The following ZG16B variants were observed in gnomAD, a reference collection of about 807,000 sequenced individuals.
The protein encoded by ZG16B is pancreatic adenocarcinoma up-regulated factor.
Under a neutral mutation model 7.0 loss-of-function variants are expected in ZG16B, and 8 were observed. The observed-to-expected ratio is 1.15, with a 90% confidence interval of 0.68 to 2.08. The LOEUF is 2.08. Ranked by LOEUF, ZG16B falls within the 30% of genes most tolerant of loss-of-function variation. The pLI is 0.00. For synonymous variants in ZG16B, 92 were observed against 86.1 expected (o/e 1.07, Z -0.38); for missense variants, 232 against 211.0 (o/e 1.10, Z -0.62).
Position 2,831,784 on chromosome 16 carries a change from C to T in ZG16B, c.156-12C>T. ...CCAGATCTGGACGTCCAAAGCTTTG[C>T]CTCTCTCCCAGTGTCCAGGTGAAAC... is the stretch of plus-strand genomic sequence containing the variant. On this transcript the variant is annotated splice_polypyrimidine_tract_variant and intron_variant, in intron 3 of 3. Transcript: ENST00000382280. 2 of 1,604,126 alleles carry T rather than the reference C, an allele frequency of 1.2e-6. No individual in the cohort carries two copies. Among genetic ancestry groups the T allele is most frequent in the South Asian group, 1.1e-5 (1 of 89,980 alleles).
In ZG16B at chr16:2,831,762, G is replaced by T. The variant is rs563029314; in HGVS notation, c.156-34G>T. 2.5e-5 allele frequency: 40 copies of T among 1,588,382 alleles called. 2 individuals are homozygous for T. In the South Asian group the frequency reaches 4.3e-4, roughly 17 times the overall value. ...ACCCGGGATGTGCTGGGCCATCCCA[G>T]ATCTGGACGTCCAAAGCTTTGCCTC... On this transcript the variant is annotated intron_variant, in intron 3 of 3. Coordinates refer to ENST00000382280, the MANE Select transcript of ZG16B (RefSeq NM_145252.3).
intron 2 of ZG16B, 58 bp from the exon 3 acceptor site, chr16:2,830,636 G>T: frequency 6.2e-7 from 1 of 1,605,502 alleles, no homozygotes; most frequent in Non-Finnish European, 8.5e-7. Flanking sequence ...TCTGGCAGAG[G>T]TCACCCCCAT....
At chr16:2,830,657 G>A (rs1456968377) in intron 2 of ZG16B, 37 bp from the exon 3 acceptor site, 3 of 1,612,874 alleles carry the variant, frequency 1.9e-6, no homozygotes, top group Non-Finnish European at 1.7e-6. Context: ...ATCACCGCAT[G>A]GGGATTTTCT....
Position 2,831,833 on chromosome 16 carries a change from C to A in ZG16B, c.193C>A (p.Leu65Met). The A allele has an allele frequency of 1.2e-6, 2 of 1,613,934 alleles. No homozygotes were observed. The highest frequency in any genetic ancestry group is 1.7e-6 in the Non-Finnish European group (2 of 1,179,932). Residue 65 changes from leucine to methionine, a missense_variant, in exon 4 of 4, where the codon CTG becomes ATG. Leu to Met is a conservative substitution (Grantham distance 15, BLOSUM62 2). Transcript: ENST00000382280. ...VKLGDSWDVK[L>M]GALGGNTQEV... ...ACTTGGAGACTCCTGGGACGTGAAA[C>A]TGGGAGCCTTAGGTGGGAATACCCA... is the stretch of plus-strand genomic sequence containing the variant.
chr16:2,831,942 C>A lies in ZG16B; in HGVS notation c.302C>A (p.Thr101Asn), dbSNP rs1259251242. The change falls in exon 4 of 4, where the codon ACC (threonine) becomes AAC (asparagine). Residue 101 changes from threonine to asparagine, a missense_variant. Coordinates refer to ENST00000382280, the MANE Select transcript of ZG16B (RefSeq NM_145252.3). ...QAFLRGMVMY[T>N]SKDRYFYFGK... ...TTCCTCCGGGGTATGGTCATGTACACCAGCAAGGACCGCTATTTCTATTTT... is the reference window on the plus strand; with the variant it reads ...TTCCTCCGGGGTATGGTCATGTACAACAGCAAGGACCGCTATTTCTATTTT... The A allele has an allele frequency of 6.2e-7, 1 of 1,614,136 alleles. No individual in the cohort carries two copies. Among genetic ancestry groups the A allele is most frequent in the Non-Finnish European group, 8.5e-7 (1 of 1,180,026 alleles).
chr16:2,830,961 C>T (rs961050259), intron 3 of ZG16B, 165 bp downstream of exon 3: 23 of 652,896 alleles, frequency 3.5e-5, no homozygotes, highest in African/African-American at 7.3e-5. Context: ...GGAGCGGAGA[C>T]GGTCAGACCG....
At position 2,830,645 on chromosome 16, in the gene ZG16B, A is replaced by G. The variant is rs375422174; in HGVS notation, c.53-49A>G. On this transcript the variant is annotated intron_variant, in intron 2 of 3. Transcript: ENST00000382280. ...CCCTGTTCTGGCAGAGGTCACCCCC[A>G]TATCACCGCATGGGGATTTTCTTCC... 5.2e-5 allele frequency: 83 copies of G among 1,610,394 alleles called. No individual in the cohort carries two copies. The African/African-American group carries it at 1.0e-3, about 20-fold the overall frequency.
At chr16:2,830,920 G>A in intron 3 of ZG16B, 124 bp downstream of exon 3, 2 of 919,018 alleles carry the variant, frequency 2.2e-6, no homozygotes, top group Non-Finnish European at 3.4e-6. Flanking sequence ...TACTGTCGAT[G>A]CTTCCTGGCT....
rs2069248489 is a variant in ZG16B, at chr16:2,830,606, G to A, written c.53-88G>A. 3.8e-6 allele frequency: 6 copies of A among 1,590,064 alleles called. No homozygotes were observed. In the African/African-American group the frequency reaches 6.7e-5, roughly 18 times the overall value. Reference sequence around the variant, plus strand: ...GGTCACAGAACCATCCTGTCTGCCTGGAGGGGTGGGGTCCCCTGTTCTGGC... The same window carrying A: ...GGTCACAGAACCATCCTGTCTGCCTAGAGGGGTGGGGTCCCCTGTTCTGGC... On this transcript the variant is annotated intron_variant, in intron 2 of 3. Coordinates refer to ENST00000382280, the MANE Select transcript of ZG16B (RefSeq NM_145252.3).
chr16:2,830,374 G>C (rs371579367), intron 1 of ZG16B, 41 bp from the exon 2 acceptor site: 1 of 1,607,542 alleles, frequency 6.2e-7, no homozygotes, highest in African/African-American at 1.3e-5. Flanking sequence ...GGTCACACTG[G>C]CCCTTGCTTT....
intron 3 of ZG16B, 165 bp downstream of exon 3, chr16:2,830,961 C>A: frequency 1.5e-6 from 1 of 653,018 alleles, no homozygotes; most frequent in East Asian, 2.9e-5. Context: ...GGAGCGGAGA[C>A]GGTCAGACCG....
In ZG16B at chr16:2,830,426, G is replaced by A. The variant is rs1596319527; in HGVS notation, c.-16G>A. On this transcript the variant is annotated 5_prime_UTR_variant, in exon 2 of 4. An upstream start codon of the reference 5' UTR is lost. Transcript: ENST00000382280. ...TCTTCTTCCCACAGAGCCCTGGGAT[G>A]CACCGGCCAGAGGCCATGCTGCTGC... 6.2e-7 allele frequency: 1 copy of A among 1,603,476 alleles called. No individual in the cohort carries two copies. Among genetic ancestry groups the A allele is most frequent in the Non-Finnish European group, 8.5e-7 (1 of 1,175,628 alleles).
chr16:2,830,587 A>G (rs1430556151), intron 2 of ZG16B, 94 bp downstream of exon 2: 9 of 1,583,368 alleles, frequency 5.7e-6, no homozygotes, highest in Admixed American at 1.7e-5. Flanking sequence ...CTCTGGTCAC[A>G]GAACCATCCT....
Position 2,832,095 on chromosome 16 carries a change from A to G in ZG16B, c.455A>G (p.Glu152Gly). Residue 152 changes from glutamate (E) to glycine (G), a missense_variant, in exon 4 of 4, where the codon GAG becomes GGG. Physicochemically the swap from Glu to Gly is moderately conservative, Grantham distance 98 (BLOSUM62 -2). Coordinates refer to ENST00000382280, the MANE Select transcript of ZG16B (RefSeq NM_145252.3). ...GGCTTTGAATGGAATTATCCACTAG[A>G]GGAGCCGACCACTGAGCCACCAGTT... ...SIGFEWNYPL[E>G]EPTTEPPVNL... 6.2e-7 allele frequency: 1 copy of G among 1,614,140 alleles called. No homozygotes were observed.
rs772588067 is a variant in ZG16B, at chr16:2,831,809, C to G, written c.169C>G (p.Leu57Val). Residue 57 changes from leucine to valine, a missense_variant, in exon 4 of 4, where the codon CTT becomes GTT. Transcript: ENST00000382280. Reference protein sequence around the residue: ...LLLVKSVQVKLGDSWDVKLGA... With the variant: ...LLLVKSVQVKVGDSWDVKLGA... Reference sequence around the variant, plus strand: ...CCTCTCTCCCAGTGTCCAGGTGAAACTTGGAGACTCCTGGGACGTGAAACT... The same window carrying G: ...CCTCTCTCCCAGTGTCCAGGTGAAAGTTGGAGACTCCTGGGACGTGAAACT... 1.9e-6 allele frequency: 3 copies of G among 1,612,150 alleles called. No individual in the cohort carries two copies. The highest frequency in any genetic ancestry group is 2.5e-6 in the Non-Finnish European group (3 of 1,178,770).
chr16:2,831,760 C>G (rs773006713), intron 3 of ZG16B, 36 bp from the exon 4 acceptor site: 8 of 1,584,846 alleles, frequency 5.0e-6, no homozygotes, highest in Non-Finnish European at 6.9e-6. Context: ...TGGGCCATCC[C>G]AGATCTGGAC....
chr16:2,830,950 T>C (rs952533481), intron 3 of ZG16B, 154 bp downstream of exon 3: 7 of 755,260 alleles, frequency 9.3e-6, no homozygotes, highest in Non-Finnish European at 1.5e-5. Context: ...GCTTCCTGGC[T>C]GGAGCGGAGA....
chr16:2,831,203 A>G (rs1434934675), intron 3 of ZG16B: 1 of 192,358 alleles, frequency 5.2e-6, no homozygotes, highest in Non-Finnish European at 1.1e-5. Flanking sequence ...TCTGGGATGG[A>G]TTTTTGCCCT....
Position 2,831,929 on chromosome 16 carries a change from A to G in ZG16B, c.289A>G (p.Met97Val), listed in dbSNP as rs35533993. 4,902 of 1,614,064 alleles carry G rather than the reference A, an allele frequency of 3.0e-3. 92 individuals are homozygous for G. In the African/African-American group the frequency reaches 0.054, roughly 18 times the overall value. ...FVAFQAFLRGMVMYTSKDRYF... is the reference protein window; with the variant it reads ...FVAFQAFLRGVVMYTSKDRYF... The stretch of plus-strand genomic sequence containing the variant: ...CGCCTTCCAAGCTTTCCTCCGGGGT[A>G]TGGTCATGTACACCAGCAAGGACCG... Residue 97 changes from methionine (M) to valine (V), a missense_variant, in exon 4 of 4, where the codon ATG becomes GTG. Physicochemically the swap from Met to Val is conservative, Grantham distance 21 (BLOSUM62 1). Coordinates refer to ENST00000382280, the MANE Select transcript of ZG16B (RefSeq NM_145252.3).
Sources: gnomAD v4.1 joint callset for allele counts on GRCh38, gnomAD v4.1.1 for gene constraint, MANE v1.5 for transcripts, NCBI Gene and HGNC (gene_info 2026-07-23, HGNC 2026-07-21) for gene names.